The following RCAN2 variants were observed in gnomAD, a reference collection of about 807,000 sequenced individuals.
The protein encoded by RCAN2 is regulator of calcineurin 2.
Under a neutral mutation model 23.6 loss-of-function variants are expected in RCAN2, and 9 were observed. The ratio of observed to expected loss-of-function variants is 0.38; its 90% CI spans 0.23 to 0.67. RCAN2 has a LOEUF of 0.67. Ranked by LOEUF, RCAN2 falls within the 30% of genes least tolerant of loss-of-function variation. The pLI is 0.51. For missense variants in RCAN2, 273 were observed against 302.3 expected, an observed-to-expected ratio of 0.90 and a Z score of 0.72; for synonymous variants, 109 against 115.7, an observed-to-expected ratio of 0.94 and a Z score of 0.37.
intron 2 of RCAN2, among the ~76,000 whole-genome samples, chr6:46,434,179 T>C (rs1026250941): frequency 6.6e-6 from 1 of 152,264 alleles, no homozygotes; most frequent in African/African-American, 2.4e-5. Context: ...CTGCTTTTCC[T>C]AGGATACTGA....
At chr6:46,263,747 G>C (rs867998237) in intron 2 of RCAN2, among the ~76,000 whole-genome samples, 60 of 126,144 alleles carry the variant, frequency 4.8e-4, no homozygotes, top group Admixed American at 1.3e-3. Context: ...AAAAAAAAAG[G>C]TATTTCAAGG....
At chr6:46,418,695 GTATATA>G (rs70996369) in intron 2 of RCAN2, among the ~76,000 whole-genome samples, 1,327 of 121,200 alleles carry the variant, frequency 0.011, 13 homozygotes, top group African/African-American at 0.028. Flanking sequence ...ATGTGTGTGT[GTATATA>G]TATATATATA....
At chr6:46,448,017 G>A (rs565816354) in intron 2 of RCAN2, among the ~76,000 whole-genome samples, 1 of 151,682 alleles carries the variant, frequency 6.6e-6, no homozygotes, top group East Asian at 1.9e-4. Flanking sequence ...ATGAAATAGA[G>A]ACTAGACAAA....
intron 2 of RCAN2, among the ~76,000 whole-genome samples, chr6:46,302,164 T>C (rs1332341268): frequency 1.3e-5 from 2 of 151,790 alleles, no homozygotes; most frequent in South Asian, 2.1e-4. Context: ...GTGGAGAGTA[T>C]GGGAAAGAAA....
At chr6:46,269,145 C>G (rs962897691) in intron 2 of RCAN2, among the ~76,000 whole-genome samples, 4 of 152,338 alleles carry the variant, frequency 2.6e-5, no homozygotes, top group Non-Finnish European at 4.4e-5. Context: ...TCCATTGCTT[C>G]TACTACCTTC....
intron 2 of RCAN2, among the ~76,000 whole-genome samples, chr6:46,273,482 T>G (rs1160273434): frequency 6.6e-6 from 1 of 152,204 alleles, no homozygotes; most frequent in East Asian, 1.9e-4. Context: ...GAGGAAACAT[T>G]ACTATTACCA....
At chr6:46,411,390 T>C (rs1372284286) in intron 2 of RCAN2, among the ~76,000 whole-genome samples, 1 of 152,188 alleles carries the variant, frequency 6.6e-6, no homozygotes, top group Non-Finnish European at 1.5e-5. Context: ...GATGAAAAAG[T>C]TCTAGAGATG....
chr6:46,241,471 G>C (rs929228927), intron 4 of RCAN2, among the ~76,000 whole-genome samples: 14 of 152,166 alleles, frequency 9.2e-5, no homozygotes, highest in Admixed American at 8.5e-4. Context: ...TGATCTGCAC[G>C]TCCTGCTGGA....
In RCAN2 at chr6:46,247,033, C is replaced by T. The variant is rs551783163; in HGVS notation, c.400-114G>A. 1.4e-4 allele frequency: 115 copies of T among 813,124 alleles called. 1 individual carries two copies. In the East Asian group the frequency reaches 2.2e-3, roughly 16 times the overall value. The allele number at this position is 813,124 out of a possible 1,614,324, so 50.4% of individuals were successfully genotyped here. A position where few individuals can be genotyped will look rare whatever the true frequency, so the allele number is the denominator to read the frequency against. On this transcript the variant is annotated intron_variant, in intron 3 of 4. Transcript: ENST00000371374. ...CCTGCGACAAATGAACCGATGAACC[C>T]GACCGTAATAATAATTACCACTTAC...
At chr6:46,415,401 G>A (rs1354762565) in intron 2 of RCAN2, among the ~76,000 whole-genome samples, 1 of 152,102 alleles carries the variant, frequency 6.6e-6, no homozygotes, top group African/African-American at 2.4e-5. Flanking sequence ...AAAACAGAAG[G>A]GGAAACAGGA....
At chr6:46,245,772 G>T (rs1296845845) in intron 4 of RCAN2, among the ~76,000 whole-genome samples, 3 of 152,046 alleles carry the variant, frequency 2.0e-5, no homozygotes, top group Admixed American at 2.0e-4. Context: ...GAATCTCTTG[G>T]GGTGGGGTCA....
chr6:46,422,034 G>A (rs1056020890), intron 2 of RCAN2, among the ~76,000 whole-genome samples: 1 of 152,154 alleles, frequency 6.6e-6, no homozygotes, highest in Admixed American at 6.5e-5. Context: ...CTGCAGTTTG[G>A]TTTGTTTGAC....
At chr6:46,264,146 G>A (rs772231921) in intron 2 of RCAN2, among the ~76,000 whole-genome samples, 4 of 152,174 alleles carry the variant, frequency 2.6e-5, no homozygotes, top group Non-Finnish European at 5.9e-5. Context: ...ACATTGAGGT[G>A]GAGGCTCTGT....
At chr6:46,466,057 G>C (rs937773506) in intron 1 of RCAN2, among the ~76,000 whole-genome samples, 2 of 152,132 alleles carry the variant, frequency 1.3e-5, no homozygotes, top group African/African-American at 4.8e-5. Flanking sequence ...CTGCACCACT[G>C]GGGGAGATGT....
At position 46,417,608 on chromosome 6, in the gene RCAN2, G is replaced by C. The variant is rs749894382; in HGVS notation, c.225+39144C>G. On this transcript the variant is annotated intron_variant, in intron 2 of 4. Coordinates refer to ENST00000371374, the MANE Select transcript of RCAN2 (RefSeq NM_001251974.2). ...GCCATTACTCCTCTGGCCATTTTCT[G>C]AAGTCTGTTCCCCAAACAATACAGG... Among the ~76,000 whole-genome samples, 2 of 152,158 alleles carry C rather than the reference G, an allele frequency of 1.3e-5. 1 individual carries two copies. Among genetic ancestry groups the C allele is most frequent in the South Asian group, 4.1e-4 (2 of 4,826 alleles).
At chr6:46,328,794 A>G (rs1440875503) in intron 2 of RCAN2, among the ~76,000 whole-genome samples, 1 of 152,172 alleles carries the variant, frequency 6.6e-6, no homozygotes, top group African/African-American at 2.4e-5. Flanking sequence ...TATTTTTAGA[A>G]GAGATGGGGT....
chr6:46,336,900 G>T (rs1764161008), intron 2 of RCAN2, among the ~76,000 whole-genome samples: 2 of 149,708 alleles, frequency 1.3e-5, no homozygotes, highest in Admixed American at 1.3e-4. Flanking sequence ...GGCTGTCAAG[G>T]TAATGATCTG....
At chr6:46,466,571 C>T (rs779078328) in intron 1 of RCAN2, among the ~76,000 whole-genome samples, 2 of 152,096 alleles carry the variant, frequency 1.3e-5, no homozygotes, top group Non-Finnish European at 2.9e-5. Context: ...CATCTCAGTA[C>T]CTAGCAGACA....
intron 2 of RCAN2, among the ~76,000 whole-genome samples, chr6:46,435,605 C>T (rs111696209): frequency 5.9e-5 from 9 of 152,128 alleles, no homozygotes; most frequent in African/African-American, 1.4e-4. Flanking sequence ...ATGAAGCACC[C>T]GCAGAGGAAT....
Sources: gnomAD v4.1 joint callset for allele counts (sites outside exome capture counted in the v4.1 genomes callset) on GRCh38, gnomAD v4.1.1 for gene constraint, MANE v1.5 for transcripts, NCBI Gene and HGNC (gene_info 2026-07-23, HGNC 2026-07-21) for gene names.